The following ABCC4 variants were observed in gnomAD, a reference collection of about 807,000 sequenced individuals.
ABCC4 encodes the protein ATP binding cassette subfamily C member 4 (PEL blood group), also known as ATP-binding cassette sub-family C member 4.
A neutral mutation model predicts 168.5 loss-of-function variants in ABCC4; 102 were observed. The ratio of observed to expected loss-of-function variants is 0.61; its 90% CI spans 0.52 to 0.71. The LOEUF (loss-of-function observed/expected upper bound fraction) is 0.71. Ranked by LOEUF, ABCC4 falls within the 30% of genes least tolerant of loss-of-function variation. The pLI, the probability that ABCC4 is intolerant of heterozygous loss-of-function variation, is 0.00. For missense variants in ABCC4, 1,402 were observed against 1,605.8 expected, an observed-to-expected ratio of 0.87 and a Z score of 2.17; for synonymous variants, 617 against 590.7, an observed-to-expected ratio of 1.04 and a Z score of -0.65.
At chr13:95,102,108 C>T (rs1278367941) in intron 20 of ABCC4, among the ~76,000 whole-genome samples, 1 of 152,088 alleles carries the variant, frequency 6.6e-6, no homozygotes, top group East Asian at 1.9e-4. Flanking sequence ...CAAGCCTCTC[C>T]CATTCCATCC....
intron 19 of ABCC4, among the ~76,000 whole-genome samples, chr13:95,124,562 TAAAAAAA>T (rs55651091): frequency 8.2e-6 from 1 of 121,894 alleles, no homozygotes; most frequent in African/African-American, 3.3e-5. Context: ...CCCCCTTTCT[TAAAAAAA>T]AAAAAAAAAA....
chr13:95,278,455 T>C lies in ABCC4; in HGVS notation c.74+22786A>G, dbSNP rs2041027689. Among the ~76,000 whole-genome samples, 5 of 152,084 alleles carry C rather than the reference T, an allele frequency of 3.3e-5. No individual in the cohort carries two copies. The South Asian group carries it at 1.0e-3, about 32-fold the overall frequency. On this transcript the variant is annotated intron_variant, in intron 1 of 30. Coordinates refer to ENST00000645237, the MANE Select transcript of ABCC4 (RefSeq NM_005845.5). ...TGACTGAAACGGCAGAGGTCCTCCA[T>C]TCTTCTAGATGGGTGATCAAGGCAG...
intron 9 of ABCC4, among the ~76,000 whole-genome samples, chr13:95,194,028 C>T (rs2038339676): frequency 6.6e-6 from 1 of 152,194 alleles, no homozygotes; most frequent in Admixed American, 6.5e-5. Flanking sequence ...AAAGCTGGTG[C>T]CATAGTAGTG....
intron 29 of ABCC4, among the ~76,000 whole-genome samples, chr13:95,040,160 A>C (rs959201968): frequency 1.4e-4 from 21 of 152,180 alleles, no homozygotes; most frequent in Non-Finnish European, 2.4e-4. Context: ...GGGAAGATGA[A>C]GGGTAGGTCC....
chr13:95,230,791 G>T (rs1004608723), intron 4 of ABCC4, among the ~76,000 whole-genome samples: 1 of 152,054 alleles, frequency 6.6e-6, no homozygotes, highest in Non-Finnish European at 1.5e-5. Flanking sequence ...AAAAATAAAT[G>T]AAAACTAAAT....
At chr13:95,200,965 G>A (rs2038607623) in intron 8 of ABCC4, among the ~76,000 whole-genome samples, 1 of 152,138 alleles carries the variant, frequency 6.6e-6, no homozygotes, top group African/African-American at 2.4e-5. Flanking sequence ...ACACCACCAT[G>A]AAGGAGTTTA....
chr13:95,037,084 CAA>C (rs57294033), intron 29 of ABCC4, among the ~76,000 whole-genome samples: 8 of 105,860 alleles, frequency 7.6e-5, no homozygotes, highest in South Asian at 6.6e-4. Context: ...ACTCTGTGTC[CAA>C]AAAAAAAAAA....
intron 13 of ABCC4, among the ~76,000 whole-genome samples, chr13:95,174,410 G>A (rs147640065): frequency 9.9e-5 from 15 of 152,140 alleles, no homozygotes; most frequent in East Asian, 3.8e-4. Context: ...TTTCTAACTC[G>A]TTGAGAACAT....
intron 4 of ABCC4, among the ~76,000 whole-genome samples, chr13:95,233,696 T>C (rs73546822): frequency 0.015 from 2,355 of 152,260 alleles, 70 homozygotes; most frequent in African/African-American, 0.054. Context: ...AAATGCCATA[T>C]ATGGGAGGGT....
At chr13:95,241,459 C>T (rs1020489522) in intron 3 of ABCC4, among the ~76,000 whole-genome samples, 10 of 151,902 alleles carry the variant, frequency 6.6e-5, no homozygotes, top group Non-Finnish European at 1.3e-4. Flanking sequence ...AGCATAGATA[C>T]AAATGGAGAA....
chr13:95,088,125 G>A (rs1405561304), intron 20 of ABCC4, among the ~76,000 whole-genome samples: 1 of 152,160 alleles, frequency 6.6e-6, no homozygotes, highest in Non-Finnish European at 1.5e-5. Flanking sequence ...AATGGTGTAA[G>A]GCATTAGAGC....
Position 95,206,592 on chromosome 13 carries a change from G to A in ABCC4, c.1101C>T (p.Leu367=). 6.2e-7 allele frequency: 1 copy of A among 1,614,172 alleles called. No homozygotes were observed. Among genetic ancestry groups the A allele is most frequent in the Non-Finnish European group, 8.5e-7 (1 of 1,180,038 alleles). Residue 367 remains leucine, a synonymous_variant, in exon 8 of 31, where the codon CTC becomes CTT. Transcript: ENST00000645237. ...LYGAVRLTVT[L]FFPSAIERVS... is the part of the protein sequence containing the mutation. Reference sequence around the variant, plus strand: ...CCCTCTCAATGGCTGAGGGGAAGAAGAGGGTAACCGTCAGCCGCACAGCCC... The same window carrying A: ...CCCTCTCAATGGCTGAGGGGAAGAAAAGGGTAACCGTCAGCCGCACAGCCC...
chr13:95,257,428 G>A (rs2040419247), intron 1 of ABCC4, among the ~76,000 whole-genome samples: 1 of 152,184 alleles, frequency 6.6e-6, no homozygotes, highest in Non-Finnish European at 1.5e-5. Context: ...AGCACTTTGG[G>A]AGGCCGAGGC....
At chr13:95,114,324 C>T (rs1302696688) in intron 20 of ABCC4, among the ~76,000 whole-genome samples, 1 of 152,190 alleles carries the variant, frequency 6.6e-6, no homozygotes, top group Non-Finnish European at 1.5e-5. Flanking sequence ...ATACTAATTA[C>T]GACCGCTCAC....
At chr13:95,296,928 CA>C (rs1014255538) in intron 1 of ABCC4, among the ~76,000 whole-genome samples, 2 of 152,096 alleles carry the variant, frequency 1.3e-5, no homozygotes, top group Admixed American at 6.6e-5. Context: ...TATCAAATAC[CA>C]AAAGAAATTC....
At chr13:95,046,913 AACAATGGTATT>A (rs2032603384) in intron 27 of ABCC4, among the ~76,000 whole-genome samples, 1 of 152,182 alleles carries the variant, frequency 6.6e-6, no homozygotes, top group South Asian at 2.1e-4. Context: ...AAATATATTA[AACAATGGTATT>A]ACATTACTCT....
chr13:95,250,149 C>T lies in ABCC4; in HGVS notation c.75-2396G>A, dbSNP rs370162278. On this transcript the variant is annotated intron_variant, in intron 1 of 30. Coordinates refer to ENST00000645237, the MANE Select transcript of ABCC4 (RefSeq NM_005845.5). ...TGACCATCTATGTAAGGACTTTATA[C>T]ATGGAAATCTAAGTCAGTTGGCTCC... 6.6e-5 allele frequency among the ~76,000 whole-genome samples: 10 copies of T among 152,348 alleles called. No homozygotes were observed. In the East Asian group the frequency reaches 1.9e-3, roughly 29 times the overall value.
At chr13:95,059,549 G>A (rs764453887) in intron 26 of ABCC4, among the ~76,000 whole-genome samples, 14 of 152,174 alleles carry the variant, frequency 9.2e-5, no homozygotes, top group Non-Finnish European at 1.5e-4. Flanking sequence ...TAAGACCGGG[G>A]TGGGGGAAAG....
intron 1 of ABCC4, among the ~76,000 whole-genome samples, chr13:95,256,449 A>T (rs762328655): frequency 1.3e-5 from 2 of 152,226 alleles, no homozygotes; most frequent in South Asian, 2.1e-4. Flanking sequence ...TATGATGTTG[A>T]CTATCCTCTG....
Sources: allele counts gnomAD v4.1 joint callset (sites outside exome capture counted in the v4.1 genomes callset), GRCh38; gene constraint gnomAD v4.1.1; transcripts MANE v1.5; gene names NCBI Gene and HGNC (gene_info 2026-07-23, HGNC 2026-07-21).